Variants in SPAG16 observed in about 807,000 individuals in gnomAD.
The protein encoded by SPAG16 is sperm-associated antigen 16 protein.
SPAG16 carries 86 observed loss-of-function variants against 80.4 expected under a neutral mutation model. The ratio of observed to expected loss-of-function variants is 1.07; its 90% CI spans 0.90 to 1.28. The LOEUF (loss-of-function observed/expected upper bound fraction) is 1.28. SPAG16 is among the 50% of genes most tolerant of loss of function. SPAG16 has a pLI of 0.00. For missense variants in SPAG16, 870 were observed against 765.3 expected, an observed-to-expected ratio of 1.14 and a Z score of -1.61; for synonymous variants, 294 against 265.9, an observed-to-expected ratio of 1.11 and a Z score of -1.03.
intron 9 of SPAG16, among the ~76,000 whole-genome samples, chr2:213,456,997 T>A (rs1403832244): frequency 2.0e-5 from 3 of 152,052 alleles, no homozygotes; most frequent in Admixed American, 1.3e-4. Context: ...TTTTTTTTTT[T>A]AAATGTTGTG....
chr2:213,442,882 G>A (rs1373164506), intron 9 of SPAG16, among the ~76,000 whole-genome samples: 1 of 151,858 alleles, frequency 6.6e-6, no homozygotes, highest in Non-Finnish European at 1.5e-5. Flanking sequence ...ATCCATGAAC[G>A]AAAGAATCGA....
intron 10 of SPAG16, among the ~76,000 whole-genome samples, chr2:213,647,730 G>T (rs2125135273): frequency 6.6e-6 from 1 of 152,298 alleles, no homozygotes; most frequent in East Asian, 1.9e-4. Context: ...CTGTAGGTCA[G>T]GCTCTTGCCA....
intron 9 of SPAG16, among the ~76,000 whole-genome samples, chr2:213,454,966 A>G (rs2071914059): frequency 6.6e-6 from 1 of 152,128 alleles, no homozygotes; most frequent in Non-Finnish European, 1.5e-5. Context: ...GTTTTGTTTG[A>G]TTCTGTGTTA....
At chr2:213,816,806 C>A (rs1457473314) in intron 10 of SPAG16, among the ~76,000 whole-genome samples, 1 of 151,890 alleles carries the variant, frequency 6.6e-6, no homozygotes, top group Non-Finnish European at 1.5e-5. Flanking sequence ...ATATTTTATT[C>A]CCCTTAGGAA....
At position 213,458,504 on chromosome 2, in the gene SPAG16, G is replaced by A. The variant is rs533582363; in HGVS notation, c.943-31459G>A. Reference sequence around the variant, plus strand: ...GGAGAATCGCTTGAATCCAGGAGGCGGACGTGGCAGTGAGCTGAGATCGCG... The same window carrying A: ...GGAGAATCGCTTGAATCCAGGAGGCAGACGTGGCAGTGAGCTGAGATCGCG... On this transcript the variant is annotated intron_variant, in intron 9 of 15. Coordinates refer to ENST00000331683, the MANE Select transcript of SPAG16 (RefSeq NM_024532.5). 7.2e-5 allele frequency among the ~76,000 whole-genome samples: 11 copies of A among 152,228 alleles called. No individual in the cohort carries two copies. In the East Asian group the frequency reaches 7.7e-4, roughly 11 times the overall value.
chr2:214,105,909 G>A (rs569842335), intron 13 of SPAG16, among the ~76,000 whole-genome samples: 32 of 151,964 alleles, frequency 2.1e-4, no homozygotes, highest in Admixed American at 9.2e-4. Context: ...ATTTATCTTC[G>A]AGTCAGGTTT....
chr2:214,127,164 G>A (rs775092090), intron 14 of SPAG16, among the ~76,000 whole-genome samples: 1 of 151,672 alleles, frequency 6.6e-6, no homozygotes, highest in Non-Finnish European at 1.5e-5. Context: ...GTCAATCCCT[G>A]CCCTCTGCCT....
chr2:214,323,120 G>A (rs1016933907), intron 15 of SPAG16, among the ~76,000 whole-genome samples: 7 of 152,082 alleles, frequency 4.6e-5, no homozygotes, highest in Admixed American at 2.6e-4. Flanking sequence ...CTATCCTGTT[G>A]AGGATGGCTG....
At chr2:213,673,497 C>T (rs6707759) in intron 10 of SPAG16, among the ~76,000 whole-genome samples, 3,901 of 152,236 alleles carry the variant, frequency 0.026, 161 homozygotes, top group African/African-American at 0.088. Context: ...ATGGCACCTC[C>T]ATACAGTAGG....
intron 10 of SPAG16, among the ~76,000 whole-genome samples, chr2:213,756,859 T>G (rs1306798123): frequency 6.6e-6 from 1 of 152,218 alleles, no homozygotes; most frequent in African/African-American, 2.4e-5. Flanking sequence ...AATGATGGCT[T>G]TGAGGCAGTT....
chr2:214,374,799 C>A (rs1404204172), intron 15 of SPAG16, among the ~76,000 whole-genome samples: 2 of 152,180 alleles, frequency 1.3e-5, no homozygotes, highest in Non-Finnish European at 2.9e-5. Context: ...TTAACTAAAA[C>A]ATCACAAAAT....
At chr2:213,485,150 A>G (rs1475888659) in intron 9 of SPAG16, among the ~76,000 whole-genome samples, 1 of 151,860 alleles carries the variant, frequency 6.6e-6, no homozygotes, top group Non-Finnish European at 1.5e-5. Flanking sequence ...GGGAGCCACC[A>G]TGCCTGGCTA....
At chr2:213,993,582 G>A (rs2046380034) in intron 12 of SPAG16, among the ~76,000 whole-genome samples, 1 of 152,088 alleles carries the variant, frequency 6.6e-6, no homozygotes, top group Non-Finnish European at 1.5e-5. Flanking sequence ...AACTTTAAGG[G>A]GAAGAAATAC....
chr2:214,186,535 G>A (rs1330956191), intron 15 of SPAG16, among the ~76,000 whole-genome samples: 1 of 151,992 alleles, frequency 6.6e-6, no homozygotes, highest in African/African-American at 2.4e-5. Context: ...TGTAGAATCT[G>A]GATGAATAAC....
chr2:213,757,134 CA>C (rs1430063696), intron 10 of SPAG16, among the ~76,000 whole-genome samples: 2 of 151,980 alleles, frequency 1.3e-5, no homozygotes, highest in African/African-American at 4.8e-5. Context: ...AAAATAGCAT[CA>C]AAAATACATA....
chr2:214,267,939 T>A (rs892770177), intron 15 of SPAG16, among the ~76,000 whole-genome samples: 3 of 151,660 alleles, frequency 2.0e-5, no homozygotes, highest in African/African-American at 7.3e-5. Flanking sequence ...AAGAGGGTAA[T>A]AGCCAAAATA....
At chr2:213,413,212 A>C (rs1177008408) in intron 9 of SPAG16, among the ~76,000 whole-genome samples, 1 of 152,194 alleles carries the variant, frequency 6.6e-6, no homozygotes, top group Non-Finnish European at 1.5e-5. Flanking sequence ...AGAAAATGCT[A>C]TGCTATTTCA....
chr2:213,303,086 C>T (rs1302051644), intron 3 of SPAG16, among the ~76,000 whole-genome samples: 5 of 152,032 alleles, frequency 3.3e-5, no homozygotes, highest in South Asian at 2.1e-4. Flanking sequence ...TTTGCCCTGA[C>T]CTTACAATTA....
At chr2:214,156,008 G>T (rs1045564828) in intron 15 of SPAG16, among the ~76,000 whole-genome samples, 4 of 152,080 alleles carry the variant, frequency 2.6e-5, no homozygotes, top group African/African-American at 9.7e-5. Context: ...ATTGTATTTG[G>T]CTTTATATTG....
Sources: gnomAD v4.1 joint callset for allele counts (sites outside exome capture counted in the v4.1 genomes callset) on GRCh38, gnomAD v4.1.1 for gene constraint, MANE v1.5 for transcripts, NCBI Gene and HGNC (gene_info 2026-07-23, HGNC 2026-07-21) for gene names.